Variants in CCDC60 observed in about 807,000 individuals in gnomAD.
CCDC60 encodes the protein coiled-coil domain containing 60.
CCDC60 carries 54 observed loss-of-function variants against 63.5 expected under a neutral mutation model. The ratio of observed to expected loss-of-function variants is 0.85; its 90% CI spans 0.68 to 1.07. The LOEUF is 1.07. Ranked by LOEUF, CCDC60 falls within the 50% of genes least tolerant of loss-of-function variation. CCDC60 has a pLI of 0.00. For missense variants in CCDC60, 651 were observed against 684.3 expected (o/e 0.95, Z 0.54); for synonymous variants, 206 against 238.8 (o/e 0.86, Z 1.27).
intron 7 of CCDC60, among the ~76,000 whole-genome samples, chr12:119,515,168 G>T (rs918198992): frequency 3.3e-5 from 5 of 152,144 alleles, no homozygotes; most frequent in African/African-American, 7.2e-5. Context: ...TGACACAATG[G>T]TCATTACATC....
intron 5 of CCDC60, among the ~76,000 whole-genome samples, chr12:119,493,452 A>T (rs994802708): frequency 7.3e-5 from 11 of 151,614 alleles, no homozygotes; most frequent in Non-Finnish European, 1.6e-4. Flanking sequence ...ATTTGGATGG[A>T]TTGGTGGATG....
intron 1 of CCDC60, among the ~76,000 whole-genome samples, chr12:119,337,824 T>TTGTG (rs60009617): frequency 0.04 from 5,567 of 140,560 alleles, 173 homozygotes; most frequent in African/African-American, 0.093. Flanking sequence ...GTGTGTGTAT[T>TTGTG]TGTGTGTGTG....
chr12:119,406,086 G>A (rs527819995), intron 1 of CCDC60, among the ~76,000 whole-genome samples: 19 of 152,188 alleles, frequency 1.2e-4, no homozygotes, highest in African/African-American at 3.6e-4. Flanking sequence ...CAGGAGAATC[G>A]CTTGAACCCG....
At chr12:119,377,266 AAAAAAAAAAAAAAG>A (rs1955961607) in intron 1 of CCDC60, among the ~76,000 whole-genome samples, 1 of 150,206 alleles carries the variant, frequency 6.7e-6, no homozygotes, top group African/African-American at 2.4e-5. Flanking sequence ...AAAAAAAAAA[AAAAAAAAAAAAAAG>A]AAAAAGAAAG....
intron 7 of CCDC60, among the ~76,000 whole-genome samples, chr12:119,507,573 TATATACACATATATATACATATATATATA>T (rs1952064648): frequency 7.6e-5 from 3 of 39,248 alleles, no homozygotes; most frequent in African/African-American, 6.0e-4. Context: ...TATATATGTA[TATATACACATATATATACATATATATATA>T]TATATATATA....
intron 1 of CCDC60, among the ~76,000 whole-genome samples, chr12:119,380,123 G>A (rs938194306): frequency 2.0e-5 from 3 of 152,236 alleles, no homozygotes; most frequent in Non-Finnish European, 2.9e-5. Flanking sequence ...AGATGGCCAA[G>A]TGTCTCAGAG....
intron 1 of CCDC60, among the ~76,000 whole-genome samples, chr12:119,417,189 G>C (rs1395977089): frequency 2.0e-5 from 3 of 151,342 alleles, no homozygotes; most frequent in Non-Finnish European, 4.4e-5. Context: ...GTTCTCAATT[G>C]AGGGTGATTC....
chr12:119,347,835 C>T (rs1379697460), intron 1 of CCDC60, among the ~76,000 whole-genome samples: 1 of 152,172 alleles, frequency 6.6e-6, no homozygotes, highest in Non-Finnish European at 1.5e-5. Flanking sequence ...GGATCAGGGA[C>T]AGCCCCAGGC....
At chr12:119,426,482 A>G (rs1333521093) in intron 1 of CCDC60, among the ~76,000 whole-genome samples, 4 of 151,804 alleles carry the variant, frequency 2.6e-5, no homozygotes, top group African/African-American at 9.7e-5. Flanking sequence ...CAGCTTCCTG[A>G]GCAGCTGGGA....
chr12:119,414,309 A>G (rs1956661419), intron 1 of CCDC60, among the ~76,000 whole-genome samples: 1 of 152,002 alleles, frequency 6.6e-6, no homozygotes, highest in Non-Finnish European at 1.5e-5. Flanking sequence ...GTGAGCCACC[A>G]CGCCCGGCCA....
rs1327265755 is a variant in CCDC60 at position 119,410,873 on chromosome 12, G to A, written c.91-17810G>A. Among the ~76,000 whole-genome samples, 1 of 152,094 alleles carries A rather than the reference G, an allele frequency of 6.6e-6. No homozygotes were observed. On this transcript the variant is annotated intron_variant, in intron 1 of 13. Coordinates refer to ENST00000327554, the MANE Select transcript of CCDC60 (RefSeq NM_178499.5). The surrounding 1 kb of genome is among the most constrained non-coding windows in gnomAD (Gnocchi z 4.0). Reference sequence around the variant, plus strand: ...TTCTCCTGCCTCAGCCTTCTGAGTAGCTGGGACTACAGGCACGCACCACTA... The same window carrying A: ...TTCTCCTGCCTCAGCCTTCTGAGTAACTGGGACTACAGGCACGCACCACTA...
chr12:119,372,528 A>G (rs1955907900), intron 1 of CCDC60, among the ~76,000 whole-genome samples: 1 of 152,194 alleles, frequency 6.6e-6, no homozygotes, highest in Admixed American at 6.5e-5. Flanking sequence ...TCACTGGGCA[A>G]AATCTCAGAG....
intron 2 of CCDC60, among the ~76,000 whole-genome samples, chr12:119,442,664 T>C (rs536564915): frequency 2.0e-5 from 3 of 152,230 alleles, no homozygotes; most frequent in Non-Finnish European, 4.4e-5. Context: ...GAAAAAAGTC[T>C]TTACTATCCA....
intron 2 of CCDC60, among the ~76,000 whole-genome samples, chr12:119,432,563 C>T (rs1007783991): frequency 9.2e-5 from 14 of 152,102 alleles, no homozygotes; most frequent in Non-Finnish European, 1.6e-4. Context: ...ATCTCTAGAG[C>T]CTGAGGAATG....
chr12:119,436,607 C>T (rs1429677017), intron 2 of CCDC60, among the ~76,000 whole-genome samples: 5 of 149,948 alleles, frequency 3.3e-5, no homozygotes, highest in African/African-American at 4.9e-5. Flanking sequence ...GGCACGATCT[C>T]GGCTCACTGC....
chr12:119,481,362 G>C (rs1353803845), intron 4 of CCDC60, among the ~76,000 whole-genome samples: 1 of 152,170 alleles, frequency 6.6e-6, no homozygotes, highest in Admixed American at 6.5e-5. Flanking sequence ...AATTGGAATA[G>C]AACCAGTGGG....
At chr12:119,350,552 G>A (rs1212329630) in intron 1 of CCDC60, among the ~76,000 whole-genome samples, 1 of 152,024 alleles carries the variant, frequency 6.6e-6, no homozygotes, top group Non-Finnish European at 1.5e-5. Flanking sequence ...CTTTCTAACT[G>A]TATTGGCTGG....
Position 119,462,099 on chromosome 12 carries a change from G to A in CCDC60, c.171-9895G>A, listed in dbSNP as rs1010444268. ...CATCTGACTGCCTTGCCTGAAGAGG[G>A]GCTGAAATTCCACCAGAAGATTTGC... On this transcript the variant is annotated intron_variant, in intron 2 of 13. Transcript: ENST00000327554. Among the ~76,000 whole-genome samples, 3 of 152,122 alleles carry A rather than the reference G, an allele frequency of 2.0e-5. No homozygotes were observed. The East Asian group carries it at 5.8e-4, about 29-fold the overall frequency.
intron 1 of CCDC60, among the ~76,000 whole-genome samples, chr12:119,357,029 G>C (rs1276132540): frequency 1.3e-5 from 2 of 152,190 alleles, no homozygotes; most frequent in Non-Finnish European, 2.9e-5. Context: ...TACCAGTGCT[G>C]TTGTTTCAAC....
Sources: gnomAD v4.1 joint callset for allele counts (sites outside exome capture counted in the v4.1 genomes callset) on GRCh38, gnomAD v4.1.1 for gene constraint, Gnocchi (gnomAD v3.1) non-coding constraint, MANE v1.5 for transcripts, NCBI Gene and HGNC (gene_info 2026-07-23, HGNC 2026-07-21) for gene names.